Variants in NR3C2 observed in about 807,000 individuals in gnomAD.
The protein encoded by NR3C2 is nuclear receptor subfamily 3 group C member 2, also known as mineralocorticoid receptor.
In NR3C2, 15 loss-of-function variants were observed where a neutral mutation model predicts 86.4. The observed-to-expected ratio is 0.17, with a 90% CI of 0.12 to 0.27. The LOEUF is 0.27. Ranked by LOEUF, NR3C2 falls within the 10% of genes least tolerant of loss-of-function variation. The pLI is 1.00. For missense variants in NR3C2, 960 were observed against 1,195.6 expected, an observed-to-expected ratio of 0.80 and a Z score of 2.91; for synonymous variants, 458 against 450.5, an observed-to-expected ratio of 1.02 and a Z score of -0.21.
rs138674569 is a variant in NR3C2 at position 148,246,093 on chromosome 4, T to TAAC, written c.1897+13882_1897+13884dup. 5.4e-4 allele frequency among the ~76,000 whole-genome samples: 82 copies of TAAC among 150,784 alleles called. 1 individual carries two copies. The highest frequency in any genetic ancestry group is 2.7e-3 in the South Asian group (13 of 4,740). Reference sequence around the variant, plus strand: ...AATGGTGTTCCCTGGTCAGATGCTATAACAACAACAACAACAACAACAACA... The same window carrying TAAC: ...AATGGTGTTCCCTGGTCAGATGCTATAACAACAACAACAACAACAACAACAACA... On this transcript the variant is annotated intron_variant, in intron 3 of 8. Coordinates refer to ENST00000358102, the MANE Select transcript of NR3C2 (RefSeq NM_000901.5).
intron 2 of NR3C2, among the ~76,000 whole-genome samples, chr4:148,361,565 TC>T (rs1246628800): frequency 1.3e-5 from 2 of 152,148 alleles, no homozygotes; most frequent in African/African-American, 4.8e-5. Flanking sequence ...AATTGTGGGC[TC>T]TGGTTTTAAT....
intron 3 of NR3C2, among the ~76,000 whole-genome samples, chr4:148,242,605 C>T (rs756289614): frequency 6.6e-6 from 1 of 152,186 alleles, no homozygotes; most frequent in Non-Finnish European, 1.5e-5. Context: ...TAATTCCCTG[C>T]TATGCTTAAA....
intron 3 of NR3C2, among the ~76,000 whole-genome samples, chr4:148,215,326 A>G (rs1210380136): frequency 2.0e-5 from 3 of 152,222 alleles, no homozygotes; most frequent in Non-Finnish European, 4.4e-5. Context: ...CTAGTTCACT[A>G]AACTGCAATG....
At chr4:148,110,646 TAG>T (rs1363920321) in intron 8 of NR3C2, among the ~76,000 whole-genome samples, 1 of 152,190 alleles carries the variant, frequency 6.6e-6, no homozygotes, top group East Asian at 1.9e-4. Flanking sequence ...GGAATATAAA[TAG>T]AGTATTCAAG....
chr4:148,199,242 G>A (rs1036368069), intron 3 of NR3C2, among the ~76,000 whole-genome samples: 1 of 151,994 alleles, frequency 6.6e-6, no homozygotes, highest in Admixed American at 6.6e-5. Flanking sequence ...CAAGACAAAC[G>A]CCATTCAGCT....
At chr4:148,370,081 G>A (rs987006845) in intron 2 of NR3C2, among the ~76,000 whole-genome samples, 1 of 152,202 alleles carries the variant, frequency 6.6e-6, no homozygotes, top group Admixed American at 6.5e-5. Context: ...GGTGATGGAT[G>A]GTAAAAGTTG....
chr4:148,235,175 C>T (rs1410886612), intron 3 of NR3C2, among the ~76,000 whole-genome samples: 1 of 151,358 alleles, frequency 6.6e-6, no homozygotes, highest in African/African-American at 2.4e-5. Context: ...ATAAAAACAA[C>T]TGTAAAAAGA....
chr4:148,093,357 T>C (rs1377981433), intron 8 of NR3C2, among the ~76,000 whole-genome samples: 3 of 152,218 alleles, frequency 2.0e-5, no homozygotes, highest in African/African-American at 2.4e-5. Flanking sequence ...TCCTCCTTGC[T>C]GCACATCTGG....
At chr4:148,409,325 T>G (rs1297013481) in intron 2 of NR3C2, among the ~76,000 whole-genome samples, 1 of 152,160 alleles carries the variant, frequency 6.6e-6, no homozygotes. Flanking sequence ...GCCTTTTATA[T>G]TTTCTCTTCT....
intron 2 of NR3C2, among the ~76,000 whole-genome samples, chr4:148,262,097 G>A (rs941306996): frequency 1.3e-5 from 2 of 152,146 alleles, no homozygotes; most frequent in East Asian, 3.9e-4. Context: ...TCCATACCCT[G>A]TCTGACTCAT....
intron 2 of NR3C2, among the ~76,000 whole-genome samples, chr4:148,418,945 T>C (rs930468363): frequency 6.6e-6 from 1 of 152,154 alleles, no homozygotes; most frequent in Non-Finnish European, 1.5e-5. Flanking sequence ...TTTACCAAGA[T>C]TACTCTGACT....
intron 2 of NR3C2, among the ~76,000 whole-genome samples, chr4:148,332,083 A>T (rs1343412641): frequency 6.6e-6 from 1 of 152,208 alleles, no homozygotes; most frequent in Non-Finnish European, 1.5e-5. Context: ...AATAGTATTA[A>T]TACAAAATAT....
Position 148,344,234 on chromosome 4 carries a change from C to T in NR3C2, c.1758-84117G>A, listed in dbSNP as rs143403934. ...ATATTAATAGCTAGAGTTTTTTAAA[C>T]TTTCTGAAAATACTCAAATGTATTC... On this transcript the variant is annotated intron_variant, in intron 2 of 8. Coordinates refer to ENST00000358102, the MANE Select transcript of NR3C2 (RefSeq NM_000901.5). Among the ~76,000 whole-genome samples the T allele has an allele frequency of 2.7e-3, 415 of 152,166 alleles. 1 individual carries two copies. The highest frequency in any genetic ancestry group is 9.6e-3 in the African/African-American group (400 of 41,526).
intron 8 of NR3C2, among the ~76,000 whole-genome samples, chr4:148,090,923 G>A (rs1191173849): frequency 6.6e-6 from 1 of 152,252 alleles, no homozygotes; most frequent in African/African-American, 2.4e-5. Flanking sequence ...GAGCCAGCAG[G>A]TGGCATTGGC....
chr4:148,216,546 C>T, intron 3 of NR3C2, among the ~76,000 whole-genome samples: 1 of 152,156 alleles, frequency 6.6e-6, no homozygotes, highest in Non-Finnish European at 1.5e-5. Flanking sequence ...ACTCTGAGGG[C>T]CACATGTGCA....
intron 2 of NR3C2, among the ~76,000 whole-genome samples, chr4:148,310,310 C>T (rs1034659854): frequency 6.6e-6 from 1 of 152,182 alleles, no homozygotes; most frequent in Non-Finnish European, 1.5e-5. Flanking sequence ...TACTCCACAC[C>T]TGCATCTATA....
Position 148,109,811 on chromosome 4 carries a change from T to A in NR3C2, c.2799+4293A>T, listed in dbSNP as rs942224080. 2.0e-5 allele frequency among the ~76,000 whole-genome samples: 3 copies of A among 152,340 alleles called. No individual in the cohort carries two copies. The South Asian group carries it at 6.2e-4, about 32-fold the overall frequency. ...CTAAGTGTGTATACTGACATAAAAT[T>A]ACAACATATGTTTAATAGGAAAAGG... On this transcript the variant is annotated intron_variant, in intron 8 of 8. Coordinates refer to ENST00000358102, the MANE Select transcript of NR3C2 (RefSeq NM_000901.5).
chr4:148,212,073 C>T (rs1737311502), intron 3 of NR3C2, among the ~76,000 whole-genome samples: 1 of 152,174 alleles, frequency 6.6e-6, no homozygotes, highest in South Asian at 2.1e-4. Flanking sequence ...TCTAAAATAC[C>T]TGCACACTTG....
chr4:148,352,404 CTAT>C (rs1745334822), intron 2 of NR3C2, among the ~76,000 whole-genome samples: 2 of 151,928 alleles, frequency 1.3e-5, no homozygotes, highest in African/African-American at 2.4e-5. Flanking sequence ...ATCTATCTAT[CTAT>C]CTATCTATCT....
Sources: gnomAD v4.1 joint callset for allele counts (sites outside exome capture counted in the v4.1 genomes callset) on GRCh38, gnomAD v4.1.1 for gene constraint, MANE v1.5 for transcripts, NCBI Gene and HGNC (gene_info 2026-07-23, HGNC 2026-07-21) for gene names.